KLF12: variants seen among roughly 807,000 people sequenced by gnomAD.
KLF12 encodes KLF transcription factor 12.
KLF12 carries 9 observed loss-of-function variants against 37.8 expected under a neutral mutation model. The ratio of observed to expected loss-of-function variants is 0.24; its 90% CI spans 0.14 to 0.42. KLF12 has a LOEUF of 0.42. Among genes scored for constraint, KLF12 ranks in the 10% least tolerant of loss-of-function variants. The pLI, the probability that KLF12 is intolerant of heterozygous loss-of-function variation, is 1.00. For synonymous variants in KLF12, 208 were observed against 202.1 expected (o/e 1.03, Z -0.25); for missense variants, 411 against 516.0 (o/e 0.80, Z 1.97).
rs1424726250 is a variant in KLF12 at position 73,691,724 on chromosome 13, A to C, written c.*3766T>G. On this transcript the variant is annotated 3_prime_UTR_variant, in exon 8 of 8. Transcript: ENST00000377669. ...CAGTTGCAGCTTTGGTAAGTATAATAAATCAAGTACAGAATAAGGAATACT... is the reference window on the plus strand; with the variant it reads ...CAGTTGCAGCTTTGGTAAGTATAATCAATCAAGTACAGAATAAGGAATACT... 6.5e-6 allele frequency: 1 copy of C among 152,676 alleles called. No individual in the cohort carries two copies. Among genetic ancestry groups the C allele is most frequent in the African/African-American group, 2.4e-5 (1 of 41,464 alleles). 9.5% of individuals were successfully genotyped at this position (152,676 alleles called of 1,614,324 possible).
At position 73,810,646 on chromosome 13, in the gene KLF12, G is replaced by GACACACACACACACAC. The variant is rs71927679; in HGVS notation, c.806+2490_806+2505dup. Among the ~76,000 whole-genome samples, 17 of 150,888 alleles carry GACACACACACACACAC rather than the reference G, an allele frequency of 1.1e-4. No individual in the cohort carries two copies. The East Asian group carries it at 1.8e-3, about 16-fold the overall frequency. On this transcript the variant is annotated intron_variant, in intron 5 of 7. Transcript: ENST00000377669. ...TAAAAGAAATGCATATATTTATAAAGACACACACACACACACACAAATTAA... is the reference window on the plus strand; with the variant it reads ...TAAAAGAAATGCATATATTTATAAAGACACACACACACACACACACACACACACACACACAAATTAA...
chr13:74,110,012 G>C (rs1488778221), intron 1 of KLF12, among the ~76,000 whole-genome samples: 2 of 152,098 alleles, frequency 1.3e-5, no homozygotes, highest in Non-Finnish European at 2.9e-5. Context: ...AATGATGTGG[G>C]ACTAAGAGAG....
chr13:74,228,275 T>C, the KLF12 span, among the ~76,000 whole-genome samples: 1 of 152,046 alleles, frequency 6.6e-6, no homozygotes, highest in Non-Finnish European at 1.5e-5. Flanking sequence ...GTAGAAACAA[T>C]TCAAGACTTA....
At chr13:73,738,900 A>AG (rs1418137612) in intron 6 of KLF12, among the ~76,000 whole-genome samples, 2 of 152,158 alleles carry the variant, frequency 1.3e-5, no homozygotes, top group Non-Finnish European at 2.9e-5. Context: ...CAAGTAACTT[A>AG]GGGCCTCAAT....
At chr13:73,801,925 G>C (rs1215285264) in intron 5 of KLF12, 1 of 152,010 alleles carries the variant, frequency 6.6e-6, no homozygotes, top group Non-Finnish European at 1.5e-5. Flanking sequence ...TCAAAAGTTT[G>C]TTCTACTTTT....
chr13:73,687,491 CT>C lies in KLF12; in HGVS notation c.*7998del, dbSNP rs2137502736. On this transcript the variant is annotated 3_prime_UTR_variant, in exon 8 of 8. Coordinates refer to ENST00000377669, the MANE Select transcript of KLF12 (RefSeq NM_007249.5). ...TAAAGTTTGAGGAACAAAATATACA[CT>C]ATATTCTGGATGTAATTACAAAATT... 1 of 152,256 alleles carries C rather than the reference CT, an allele frequency of 6.6e-6. No individual in the cohort carries two copies. The highest frequency in any genetic ancestry group is 2.1e-4 in the South Asian group (1 of 4,828). The allele number at this position is 152,256 out of a possible 1,614,324, so 9.4% of individuals were successfully genotyped here.
At chr13:74,189,202 G>C in the KLF12 span, among the ~76,000 whole-genome samples, 1 of 152,080 alleles carries the variant, frequency 6.6e-6, no homozygotes, top group East Asian at 1.9e-4. Flanking sequence ...TGGAAAAAAT[G>C]TTTGCTAACC....
At chr13:74,079,225 G>A (rs536124484) in intron 1 of KLF12, among the ~76,000 whole-genome samples, 2 of 152,160 alleles carry the variant, frequency 1.3e-5, no homozygotes, top group Non-Finnish European at 2.9e-5. Context: ...ACCAGGGGCT[G>A]AGGGGAATGA....
chr13:73,700,668 G>A (rs1026949773), intron 7 of KLF12, among the ~76,000 whole-genome samples: 1 of 151,954 alleles, frequency 6.6e-6, no homozygotes, highest in Non-Finnish European at 1.5e-5. Flanking sequence ...GATGGCTACT[G>A]TGTCCAGCCA....
At chr13:74,075,979 T>C (rs1874538246) in intron 1 of KLF12, among the ~76,000 whole-genome samples, 1 of 152,232 alleles carries the variant, frequency 6.6e-6, no homozygotes, top group Admixed American at 6.5e-5. Flanking sequence ...TAAAAGCAGC[T>C]CTGCTCTTTA....
At chr13:74,257,871 T>A in the KLF12 span, 1 of 152,114 alleles carries the variant, frequency 6.6e-6, no homozygotes, top group Non-Finnish European at 1.5e-5. Context: ...TAAATTCTGG[T>A]GAGTGGTGTT....
the KLF12 span, among the ~76,000 whole-genome samples, chr13:74,276,880 G>A: frequency 5.9e-5 from 9 of 152,178 alleles, no homozygotes; most frequent in Non-Finnish European, 1.3e-4. Flanking sequence ...TGCAATAGAT[G>A]ATTGGAGAAG....
At chr13:73,768,335 T>TA (rs1259632944) in intron 5 of KLF12, among the ~76,000 whole-genome samples, 2 of 152,176 alleles carry the variant, frequency 1.3e-5, no homozygotes, top group Non-Finnish European at 2.9e-5. Flanking sequence ...CAGTGCTGAT[T>TA]AGACATGAAA....
chr13:74,257,239 G>A, the KLF12 span: 2 of 152,260 alleles, frequency 1.3e-5, no homozygotes, highest in South Asian at 2.1e-4. Flanking sequence ...CTGAGATATA[G>A]AAGAGACTGG....
chr13:73,914,341 A>G (rs921942031), intron 3 of KLF12, among the ~76,000 whole-genome samples: 3 of 152,198 alleles, frequency 2.0e-5, no homozygotes, highest in Non-Finnish European at 1.5e-5. Context: ...GGCTTGCTGC[A>G]GGCGTTCATC....
intron 3 of KLF12, among the ~76,000 whole-genome samples, chr13:73,940,879 C>T (rs767512508): frequency 6.6e-6 from 1 of 152,146 alleles, no homozygotes; most frequent in Admixed American, 6.6e-5. Flanking sequence ...ATGTGCTCCT[C>T]AGGTCCTGAA....
chr13:74,304,705 A>C, the KLF12 span, among the ~76,000 whole-genome samples: 1 of 152,030 alleles, frequency 6.6e-6, no homozygotes, highest in Non-Finnish European at 1.5e-5. Flanking sequence ...GGCCCAGTTC[A>C]TTGGAGGGTA....
chr13:74,189,220 G>A, the KLF12 span, among the ~76,000 whole-genome samples: 120 of 152,126 alleles, frequency 7.9e-4, 3 homozygotes, highest in South Asian at 0.022. Flanking sequence ...ACCTTCTTCC[G>A]TAATCTATTT....
intron 2 of KLF12, among the ~76,000 whole-genome samples, chr13:73,964,450 C>T (rs574362622): frequency 6.6e-5 from 10 of 151,952 alleles, no homozygotes; most frequent in Admixed American, 1.3e-4. Flanking sequence ...GCAAAACCAC[C>T]GCTCAATTTC....
Sources: allele counts gnomAD v4.1 joint callset (sites outside exome capture counted in the v4.1 genomes callset), GRCh38; gene constraint gnomAD v4.1.1; transcripts MANE v1.5; gene names NCBI Gene and HGNC (gene_info 2026-07-23, HGNC 2026-07-21).